Variants in EPB41L3 observed in about 807,000 individuals in gnomAD.
The protein encoded by EPB41L3 is erythrocyte membrane protein band 4.1 like 3.
A neutral mutation model predicts 127.1 loss-of-function variants in EPB41L3; 57 were observed. The ratio of observed to expected loss-of-function variants is 0.45; its 90% CI spans 0.36 to 0.56. The LOEUF is 0.56. EPB41L3 is among the 20% of genes least tolerant of loss of function. EPB41L3 has a pLI of 0.00. For missense variants in EPB41L3, 1,273 were observed against 1,372.2 expected, an observed-to-expected ratio of 0.93 and a Z score of 1.14; for synonymous variants, 572 against 549.5, an observed-to-expected ratio of 1.04 and a Z score of -0.57.
chr18:5,511,116 C>A (rs1351899744), intron 1 of EPB41L3, among the ~76,000 whole-genome samples: 1 of 151,964 alleles, frequency 6.6e-6, no homozygotes, highest in Non-Finnish European at 1.5e-5. Context: ...TTTGTTTGAC[C>A]TAAGACCTTC....
At chr18:5,630,388 A>G (rs759706209), upstream of EPB41L3, 7 of 518,570 alleles carry the variant, frequency 1.3e-5, no homozygotes, top group African/African-American at 1.3e-4. Context: ...TGAGTCACCG[A>G]AGCCTTCCTT....
chr18:5,501,138 T>C (rs957463090), intron 1 of EPB41L3, among the ~76,000 whole-genome samples: 3 of 152,054 alleles, frequency 2.0e-5, no homozygotes, highest in African/African-American at 7.2e-5. Flanking sequence ...AGAAATATGA[T>C]AAAAAGCCAA....
intron 1 of EPB41L3, among the ~76,000 whole-genome samples, chr18:5,519,322 G>A (rs981703503): frequency 6.6e-5 from 10 of 152,308 alleles, no homozygotes; most frequent in Admixed American, 3.9e-4. Context: ...GAAACCCATC[G>A]CGACTATACT....
intron 1 of EPB41L3, chr18:5,540,421 G>C: frequency 4.1e-6 from 4 of 985,410 alleles, no homozygotes; most frequent in Non-Finnish European, 4.8e-6. Flanking sequence ...GCTTCAGATG[G>C]TCTGGTTTTG....
chr18:5,399,668 T>TA, intron 16 of EPB41L3: 1 of 272,312 alleles, frequency 3.7e-6, no homozygotes. Flanking sequence ...GCTCTTATGA[T>TA]AAATTTTGGA....
At chr18:5,493,005 C>T (rs971179993) in intron 1 of EPB41L3, among the ~76,000 whole-genome samples, 4 of 152,108 alleles carry the variant, frequency 2.6e-5, no homozygotes, top group African/African-American at 9.7e-5. Flanking sequence ...TATAAAAAGA[C>T]GGTCATTGCC....
chr18:5,428,849 G>T (rs1194227588), intron 8 of EPB41L3, among the ~76,000 whole-genome samples: 1 of 152,112 alleles, frequency 6.6e-6, no homozygotes, highest in Non-Finnish European at 1.5e-5. Flanking sequence ...AATTGAGATG[G>T]TCACTATTAT....
intron 3 of EPB41L3, among the ~76,000 whole-genome samples, chr18:5,609,490 C>T (rs562569257): frequency 2.6e-5 from 4 of 152,280 alleles, no homozygotes; most frequent in Non-Finnish European, 4.4e-5. Context: ...TGCAAAACCA[C>T]GGAGGGTCCA....
chr18:5,504,202 T>C (rs546373374), intron 1 of EPB41L3, among the ~76,000 whole-genome samples: 1 of 152,328 alleles, frequency 6.6e-6, no homozygotes, highest in South Asian at 2.1e-4. Flanking sequence ...TATCCAGACC[T>C]TACCCAGGAC....
chr18:5,485,935 GTAAATT>G lies in EPB41L3; in HGVS notation c.183+3060_183+3065del, dbSNP rs201611552. Among the ~76,000 whole-genome samples the G allele has an allele frequency of 8.6e-3, 1,310 of 152,116 alleles. 15 individuals carry two copies. Among genetic ancestry groups the G allele is most frequent in the African/African-American group, 0.028 (1,173 of 41,538 alleles). On this transcript the variant is annotated intron_variant, in intron 2 of 22. Coordinates refer to ENST00000341928, the MANE Select transcript of EPB41L3 (RefSeq NM_012307.5). ...ACCCAAAGTAATTTACAAATTCAAT[GTAAATT>G]GAATGTAACAAAATACCTATGACAC...
intron 3 of EPB41L3, among the ~76,000 whole-genome samples, chr18:5,598,271 CGTAACAGATT>C (rs2094556284): frequency 6.6e-6 from 1 of 152,066 alleles, no homozygotes. Flanking sequence ...AACAGTGTAT[CGTAACAGATT>C]GAATGCAGAA....
Position 5,434,029 on chromosome 18 carries a change from A to AC in EPB41L3, c.697dup (p.Val233GlyfsTer9). On this transcript the variant is annotated frameshift_variant, in exon 7 of 23. Transcript: ENST00000341928. LOFTEE classifies it high-confidence loss of function. ...GTCATAGTCTCCGAGCTCTGACTGG[A>AC]CAGTGTAGGAGCCCAGCAAGGCCAG... is the stretch of plus-strand genomic sequence containing the variant. 6.2e-7 allele frequency: 1 copy of AC among 1,614,170 alleles called. No individual in the cohort carries two copies. The highest frequency in any genetic ancestry group is 8.5e-7 in the Non-Finnish European group (1 of 1,180,036).
chr18:5,454,440 T>C (rs1388341502), intron 3 of EPB41L3, among the ~76,000 whole-genome samples: 1 of 152,088 alleles, frequency 6.6e-6, no homozygotes, highest in Non-Finnish European at 1.5e-5. Context: ...TTAATAAGCA[T>C]GGAAAGTCCA....
At chr18:5,570,301 G>A (rs1407070082) in intron 3 of EPB41L3, 1 of 152,178 alleles carries the variant, frequency 6.6e-6, no homozygotes, top group Non-Finnish European at 1.5e-5. Flanking sequence ...AGGACATGCT[G>A]TAACACAAGG....
At chr18:5,487,163 C>A (rs1055200643) in intron 2 of EPB41L3, among the ~76,000 whole-genome samples, 7 of 152,202 alleles carry the variant, frequency 4.6e-5, no homozygotes, top group African/African-American at 1.7e-4. Flanking sequence ...GGAATGAAAT[C>A]TTGTCATCTG....
chr18:5,573,603 A>T (rs764297551), intron 3 of EPB41L3, among the ~76,000 whole-genome samples: 6 of 152,182 alleles, frequency 3.9e-5, no homozygotes, highest in Non-Finnish European at 8.8e-5. Context: ...GTCTAGGTAC[A>T]CACATCAGTT....
At chr18:5,574,371 C>G (rs940539895) in intron 3 of EPB41L3, among the ~76,000 whole-genome samples, 1 of 132,990 alleles carries the variant, frequency 7.5e-6, no homozygotes, top group Non-Finnish European at 1.6e-5. Flanking sequence ...CTGAGCCTGG[C>G]TAGAATCAGT....
At chr18:5,529,162 G>A (rs1032496013) in intron 1 of EPB41L3, among the ~76,000 whole-genome samples, 2 of 152,126 alleles carry the variant, frequency 1.3e-5, no homozygotes, top group African/African-American at 4.8e-5. Flanking sequence ...AGAAAATACT[G>A]CAAATCTATG....
At chr18:5,399,503 A>G in intron 16 of EPB41L3, 1 of 397,624 alleles carries the variant, frequency 2.5e-6, no homozygotes, top group East Asian at 3.6e-5. Flanking sequence ...GGGACCATAC[A>G]GTGCTCATGT....
Sources: allele counts gnomAD v4.1 joint callset (sites outside exome capture counted in the v4.1 genomes callset), GRCh38; gene constraint gnomAD v4.1.1; transcripts MANE v1.5; gene names NCBI Gene and HGNC (gene_info 2026-07-23, HGNC 2026-07-21).